The following NSMCE2 variants were observed in gnomAD, a reference collection of about 807,000 sequenced individuals.
NSMCE2 encodes the protein NSE2 SUMO ligase component of SMC5/6 complex.
Under a neutral mutation model 23.8 loss-of-function variants are expected in NSMCE2, and 24 were observed. The observed-to-expected ratio is 1.01, with a 90% CI of 0.73 to 1.42. The LOEUF (loss-of-function observed/expected upper bound fraction) is 1.42, where lower values mean the gene tolerates loss of function less well. Among genes scored for constraint, NSMCE2 ranks in the 40% most tolerant of loss-of-function variants. The pLI is 0.00. For synonymous variants in NSMCE2, 92 were observed against 94.1 expected, an observed-to-expected ratio of 0.98 and a Z score of 0.13; for missense variants, 284 against 296.5, an observed-to-expected ratio of 0.96 and a Z score of 0.31.
At position 125,211,215 on chromosome 8, in the gene NSMCE2, A is replaced by G. The variant is rs558926821; in HGVS notation, c.418+28959A>G. On this transcript the variant is annotated intron_variant, in intron 5 of 7. Transcript: ENST00000287437. ...CTTTTTTATTAGGTGATACATGCAC[A>G]TAGTACAAACTTCACAAAGTGCAAA... Among the ~76,000 whole-genome samples the G allele has an allele frequency of 9.8e-5, 15 of 152,334 alleles. No homozygotes were observed. In the South Asian group the frequency reaches 3.1e-3, roughly 32 times the overall value.
At chr8:125,313,239 AGAAAG>A (rs1206485633) in intron 5 of NSMCE2, among the ~76,000 whole-genome samples, 2 of 149,836 alleles carry the variant, frequency 1.3e-5, no homozygotes, top group African/African-American at 2.4e-5. Context: ...GAAGAAAGAA[AGAAAG>A]AAAAGAAAAG....
At chr8:125,169,719 A>G (rs1822079046) in intron 4 of NSMCE2, among the ~76,000 whole-genome samples, 1 of 141,336 alleles carries the variant, frequency 7.1e-6, no homozygotes, top group Non-Finnish European at 1.5e-5. Flanking sequence ...ATCTTTCTAA[A>G]GTGAACATTT....
At chr8:125,223,901 A>T (rs567487478) in intron 5 of NSMCE2, among the ~76,000 whole-genome samples, 12 of 144,132 alleles carry the variant, frequency 8.3e-5, no homozygotes, top group Non-Finnish European at 1.3e-4. Context: ...TGCAGCCTTG[A>T]TGCAGAAATC....
chr8:125,182,467 A>G (rs1586576568), intron 5 of NSMCE2: 1 of 569,948 alleles, frequency 1.8e-6, no homozygotes, highest in South Asian at 2.3e-5. Flanking sequence ...CAGTTTCCAC[A>G]AAGTGCTCAG....
intron 5 of NSMCE2, among the ~76,000 whole-genome samples, chr8:125,220,028 T>C (rs899313098): frequency 3.9e-5 from 6 of 152,184 alleles, no homozygotes; most frequent in South Asian, 2.1e-4. Context: ...AATGGGAAGT[T>C]CATTGGTTTT....
Position 125,183,634 on chromosome 8 carries a change from G to GGTGTGTGTGTGT in NSMCE2, c.418+1395_418+1406dup, listed in dbSNP as rs59285361. Among the ~76,000 whole-genome samples the GGTGTGTGTGTGT allele has an allele frequency of 1.2e-3, 181 of 147,584 alleles. 1 individual carries two copies. The highest frequency in any genetic ancestry group is 4.1e-3 in the African/African-American group (166 of 40,062). On this transcript the variant is annotated intron_variant, in intron 5 of 7. Transcript: ENST00000287437. ...TTATCCATGATATTTATTACTCAGT[G>GGTGTGTGTGTGT]GTGTGTGTGTGTGTGTGTGTGTGTG...
At chr8:125,118,569 C>G (rs896142367) in intron 3 of NSMCE2, among the ~76,000 whole-genome samples, 3 of 152,194 alleles carry the variant, frequency 2.0e-5, no homozygotes, top group Non-Finnish European at 4.4e-5. Flanking sequence ...CACCAGAACA[C>G]TTCTTATGAA....
chr8:125,156,113 C>A, intron 4 of NSMCE2: 1 of 309,616 alleles, frequency 3.2e-6, no homozygotes. Context: ...GACTCCATCT[C>A]TTTAAAAAAA....
At chr8:125,313,417 CCAATTCT>C (rs1305647928) in intron 5 of NSMCE2, among the ~76,000 whole-genome samples, 1 of 151,660 alleles carries the variant, frequency 6.6e-6, no homozygotes, top group Non-Finnish European at 1.5e-5. Flanking sequence ...TAGAATTATC[CCAATTCT>C]AAAAATGGCA....
At chr8:125,224,342 C>A (rs1463413561) in intron 5 of NSMCE2, among the ~76,000 whole-genome samples, 10 of 151,898 alleles carry the variant, frequency 6.6e-5, no homozygotes, top group Non-Finnish European at 1.3e-4. Flanking sequence ...TTTTTATTGC[C>A]TGTGCTGTTG....
Position 125,182,088 on chromosome 8 carries a change from T to C in NSMCE2, c.265-15T>C, listed in dbSNP as rs1439047121. 3.9e-6 allele frequency: 6 copies of C among 1,550,638 alleles called. No homozygotes were observed. The highest frequency in any genetic ancestry group is 1.8e-4 in the Middle Eastern group (1 of 5,624). ...TATTAACATTTAACTCAGGTAATTT[T>C]GTTGTCTCCCTTAGGTGAAAGAAGA... On this transcript the variant is annotated splice_polypyrimidine_tract_variant and intron_variant, in intron 4 of 7. Transcript: ENST00000287437.
intron 5 of NSMCE2, among the ~76,000 whole-genome samples, chr8:125,332,355 A>G (rs1829911020): frequency 6.6e-6 from 1 of 152,210 alleles, no homozygotes; most frequent in Non-Finnish European, 1.5e-5. Flanking sequence ...ATGAGGTAGT[A>G]AGACCATGCT....
At chr8:125,213,067 CTT>C (rs150225399) in intron 5 of NSMCE2, among the ~76,000 whole-genome samples, 2,736 of 152,104 alleles carry the variant, frequency 0.018, 76 homozygotes, top group African/African-American at 0.063. Context: ...ATTTAATTCT[CTT>C]TTATAAAATG....
chr8:125,164,057 T>C (rs1821754166), intron 4 of NSMCE2, among the ~76,000 whole-genome samples: 1 of 152,202 alleles, frequency 6.6e-6, no homozygotes. Context: ...TTATTTAATA[T>C]TTGCACAGGG....
intron 5 of NSMCE2, among the ~76,000 whole-genome samples, chr8:125,210,814 G>A (rs1043931341): frequency 3.9e-5 from 6 of 152,042 alleles, no homozygotes; most frequent in Admixed American, 2.0e-4. Context: ...TCCACCTCTG[G>A]GGTTCAAGCG....
chr8:125,198,685 GGAT>G lies in NSMCE2; in HGVS notation c.418+16434_418+16436del, dbSNP rs1823735690. ...GTGTCTCTGCCAGGCTTTGGTATCAGGATGATGCTAGCCTCATAAAAGGAGTTA... is the reference window on the plus strand; with the variant it reads ...GTGTCTCTGCCAGGCTTTGGTATCAGGATGCTAGCCTCATAAAAGGAGTTA... On this transcript the variant is annotated intron_variant, in intron 5 of 7. Coordinates refer to ENST00000287437, the MANE Select transcript of NSMCE2 (RefSeq NM_173685.4). 3.3e-5 allele frequency among the ~76,000 whole-genome samples: 5 copies of G among 152,178 alleles called. No individual in the cohort carries two copies. The South Asian group carries it at 1.0e-3, about 32-fold the overall frequency.
intron 5 of NSMCE2, among the ~76,000 whole-genome samples, chr8:125,269,685 G>A (rs530645783): frequency 2.6e-5 from 4 of 152,322 alleles, no homozygotes; most frequent in Non-Finnish European, 5.9e-5. Context: ...CATGGAATCT[G>A]ATTAAACCTA....
intron 3 of NSMCE2, among the ~76,000 whole-genome samples, chr8:125,137,791 T>A (rs1820148026): frequency 6.6e-6 from 1 of 152,206 alleles, no homozygotes; most frequent in African/African-American, 2.4e-5. Flanking sequence ...TGACTTTAGT[T>A]CAAGGTACTT....
At chr8:125,331,083 C>G (rs989738178) in intron 5 of NSMCE2, among the ~76,000 whole-genome samples, 2 of 152,084 alleles carry the variant, frequency 1.3e-5, no homozygotes, top group Non-Finnish European at 1.5e-5. Context: ...AGGCGGATCA[C>G]GAGGTCAAGA....
Sources: allele counts gnomAD v4.1 joint callset (sites outside exome capture counted in the v4.1 genomes callset), GRCh38; gene constraint gnomAD v4.1.1; transcripts MANE v1.5; gene names NCBI Gene and HGNC (gene_info 2026-07-23, HGNC 2026-07-21).